MYO15B: variants seen among roughly 807,000 people sequenced by gnomAD.
MYO15B encodes myosin XVB.
MYO15B carries 207 observed loss-of-function variants against 119.3 expected under a neutral mutation model. The observed-to-expected ratio is 1.73, with a 90% confidence interval of 1.55 to 1.95. The LOEUF is 1.95. Among genes scored for constraint, MYO15B ranks in the 30% most tolerant of loss-of-function variants. The pLI is 0.00. For missense variants in MYO15B, 2,264 were observed against 1,203.1 expected (o/e 1.88, Z -13.04); for synonymous variants, 966 against 498.9 (o/e 1.94, Z -12.48).
At chr17:75,595,528 G>C (rs183004523) in intron 12 of MYO15B, among the ~76,000 whole-genome samples, 1 of 152,206 alleles carries the variant, frequency 6.6e-6, no homozygotes. Flanking sequence ...CAGCGTTCCC[G>C]TCTGTAAAAC....
chr17:75,620,118 T>A (rs1038882210), intron 47 of MYO15B, 98 bp downstream of exon 47: 9 of 652,670 alleles, frequency 1.4e-5, no homozygotes, highest in Non-Finnish European at 2.2e-5. Flanking sequence ...GCTGGGAGTT[T>A]GGGCCAAATC....
exon 25 of MYO15B, chr17:75,611,897 G>A (rs1420524694): frequency 5.7e-6 from 4 of 702,936 alleles, no homozygotes; most frequent in East Asian, 5.4e-5. Flanking sequence ...CCATCGGGAC[G>A]CCCTGGCTGG....
intron 24 of MYO15B, 81 bp from the exon 25 acceptor site, chr17:75,611,805 C>A: frequency 1.4e-6 from 1 of 693,716 alleles, no homozygotes; most frequent in Non-Finnish European, 2.6e-6. Flanking sequence ...GCTGATGGCT[C>A]GTGGTGAGGG....
chr17:75,596,920 C>A (rs1379814570), intron 14 of MYO15B, 21 bp downstream of exon 14: 2 of 680,836 alleles, frequency 2.9e-6, no homozygotes. Context: ...GGATGGTGAC[C>A]CCCCACCCAG....
exon 61 of MYO15B, chr17:75,625,578 G>C (rs1487451394): frequency 2.8e-6 from 2 of 703,022 alleles, no homozygotes; most frequent in East Asian, 5.4e-5. Context: ...AGGTGAACAC[G>C]GCCTCCATCA....
exon 22 of MYO15B, chr17:75,610,171 G>T (rs944576821): frequency 1.6e-5 from 11 of 699,132 alleles, no homozygotes; most frequent in African/African-American, 1.1e-4. Context: ...TCCAGGAAGC[G>T]GTACCTCCGG....
chr17:75,604,188 C>T (rs1353050778), intron 19 of MYO15B, among the ~76,000 whole-genome samples: 1 of 152,134 alleles, frequency 6.6e-6, no homozygotes, highest in Non-Finnish European at 1.5e-5. Flanking sequence ...AACCTACCAG[C>T]TACAGCAATT....
chr17:75,611,027 A>T, intron 23 of MYO15B, 68 bp downstream of exon 23: 1 of 701,970 alleles, frequency 1.4e-6, no homozygotes, highest in Non-Finnish European at 2.6e-6. Context: ...GACAGCTTAG[A>T]GGGCTGCCAG....
At chr17:75,619,050 C>T in intron 43 of MYO15B, 93 bp from the exon 44 acceptor site, 1 of 689,404 alleles carries the variant, frequency 1.5e-6, no homozygotes, top group Non-Finnish European at 2.6e-6. Context: ...CCTCCATCGG[C>T]CTCCTCAGGT....
chr17:75,625,035 T>C (rs1344411252), intron 59 of MYO15B, 88 bp from the exon 60 acceptor site: 12 of 657,260 alleles, frequency 1.8e-5, no homozygotes, highest in African/African-American at 1.1e-4. Context: ...GGGGTGACAG[T>C]GGCAAAAGGA....
At chr17:75,616,933 G>C (rs1379840972) in exon 40 of MYO15B, 3 of 702,826 alleles carry the variant, frequency 4.3e-6, no homozygotes, top group African/African-American at 1.7e-5. Flanking sequence ...GCCAAGCTGG[G>C]TATCAACGGT....
chr17:75,625,520 A>C lies in MYO15B; in HGVS notation c.8805-7A>C. ...GGGGCCAAACTGACCCTGGTCACACATCCTAGGCAGGACCTGCTAGCTTAC... is the reference window on the plus strand; with the variant it reads ...GGGGCCAAACTGACCCTGGTCACACCTCCTAGGCAGGACCTGCTAGCTTAC... On this transcript the variant is annotated splice_polypyrimidine_tract_variant and splice_region_variant and intron_variant, in intron 60 of 63. Coordinates refer to ENST00000645453, the Ensembl canonical transcript of MYO15B. 1 of 703,060 alleles carries C rather than the reference A, an allele frequency of 1.4e-6. No homozygotes were observed. The allele number at this position is 703,060 out of a possible 1,614,324, so 43.6% of individuals were successfully genotyped here. A position where few individuals can be genotyped will look rare whatever the true frequency, so the allele number is the denominator to read the frequency against.
intron 21 of MYO15B, among the ~76,000 whole-genome samples, chr17:75,609,557 C>T (rs1382106391): frequency 7.3e-6 from 1 of 137,452 alleles, no homozygotes; most frequent in Non-Finnish European, 1.5e-5. Flanking sequence ...GTATTCTAGG[C>T]CCAGGGTCAG....
chr17:75,596,831 C>T lies in MYO15B; in HGVS notation c.3457C>T (p.Leu1153=), dbSNP rs940135036. Residue 1153 remains leucine, a synonymous_variant, in exon 14 of 64, where the codon CTA becomes TTA. Transcript: ENST00000645453. ...CCCTCAGCCTCCGAGGGAGTCCTGC[C>T]TAGACCTCCTGGTAGATCAGCCCCA... is the stretch of plus-strand genomic sequence containing the variant. 6 of 702,848 alleles carry T rather than the reference C, an allele frequency of 8.5e-6. No individual in the cohort carries two copies. The African/African-American group carries it at 1.0e-4, about 12-fold the overall frequency. 43.5% of individuals were successfully genotyped at this position (702,848 alleles called of 1,614,324 possible). A position where few individuals can be genotyped will look rare whatever the true frequency, so the allele number is the denominator to read the frequency against.
intron 4 of MYO15B, 171 bp from the exon 5 acceptor site, chr17:75,591,430 G>T: frequency 1.6e-6 from 1 of 617,918 alleles, no homozygotes; most frequent in South Asian, 1.9e-5. Context: ...GCATCTTGGG[G>T]ACTTTTTCTT....
exon 1 of MYO15B, chr17:75,588,991 C>G (rs144055342): frequency 0.089 from 35,436 of 397,940 alleles, 1,741 homozygotes; most frequent in Middle Eastern, 0.15. Flanking sequence ...GGGGCAGGTG[C>G]CAGCGGCGGC....
chr17:75,611,496 G>A, intron 23 of MYO15B, 105 bp from the exon 24 acceptor site: 1 of 639,558 alleles, frequency 1.6e-6, no homozygotes. Flanking sequence ...AAAATCCGTG[G>A]TCTTTGGAAG....
At chr17:75,615,156 C>T (rs894532712) in intron 33 of MYO15B, 84 bp from the exon 34 acceptor site, 107 of 678,368 alleles carry the variant, frequency 1.6e-4, no homozygotes, top group Middle Eastern at 4.7e-4. Flanking sequence ...CCCCGGTGCC[C>T]GATGCTCTTC....
At chr17:75,608,635 T>G (rs2057806062) in intron 21 of MYO15B, among the ~76,000 whole-genome samples, 1 of 151,754 alleles carries the variant, frequency 6.6e-6, no homozygotes. Flanking sequence ...CTCAGCTCAC[T>G]GCAACCTCCA....
Sources: allele counts gnomAD v4.1 joint callset (sites outside exome capture counted in the v4.1 genomes callset), GRCh38; gene constraint gnomAD v4.1.1; transcripts MANE v1.5; gene names NCBI Gene and HGNC (gene_info 2026-07-23, HGNC 2026-07-21).